The following CDH4 variants were observed in gnomAD, a reference collection of about 807,000 sequenced individuals.
CDH4 encodes the protein cadherin 4.
Under a neutral mutation model 86.0 loss-of-function variants are expected in CDH4, and 33 were observed. That is an observed-to-expected ratio of 0.38 (90% CI 0.29 to 0.51). CDH4 has a LOEUF of 0.51. Ranked by LOEUF, CDH4 falls within the 20% of genes least tolerant of loss-of-function variation. CDH4 has a pLI of 0.86. For synonymous variants in CDH4, 555 were observed against 549.4 expected (o/e 1.01, Z -0.14); for missense variants, 1,114 against 1,307.4 (o/e 0.85, Z 2.28).
At chr20:61,933,227 A>C in intron 14 of CDH4, 103 bp downstream of exon 14, 1 of 1,430,582 alleles carries the variant, frequency 7.0e-7, no homozygotes, top group Non-Finnish European at 9.5e-7. Context: ...AGACATTTCA[A>C]CCTTTTCACC....
At chr20:61,805,246 A>G (rs1980063256) in intron 4 of CDH4, among the ~76,000 whole-genome samples, 1 of 152,204 alleles carries the variant, frequency 6.6e-6, no homozygotes, top group Non-Finnish European at 1.5e-5. Context: ...AGAGAGGAGC[A>G]GAGAAGAACA....
intron 4 of CDH4, among the ~76,000 whole-genome samples, chr20:61,812,773 A>T (rs750824966): frequency 2.0e-5 from 3 of 152,078 alleles, no homozygotes; most frequent in Non-Finnish European, 4.4e-5. Flanking sequence ...AATGCTTGCA[A>T]CCTCCTATCC....
chr20:61,767,872 G>A (rs971136642), intron 3 of CDH4, among the ~76,000 whole-genome samples: 2 of 152,176 alleles, frequency 1.3e-5, no homozygotes, highest in African/African-American at 4.8e-5. Flanking sequence ...TGTCAAGGAC[G>A]GCTCCATGAA....
rs143727997 is a variant in CDH4 at position 61,731,278 on chromosome 20, C to A, written c.170-12285C>A. ...TTTGGCCTCGTGACATTCTCCTCACCCCTCGGCCCCCCGGCGGCCCCTCAC... is the reference window on the plus strand; with the variant it reads ...TTTGGCCTCGTGACATTCTCCTCACACCTCGGCCCCCCGGCGGCCCCTCAC... On this transcript the variant is annotated intron_variant, in intron 2 of 15. Coordinates refer to ENST00000614565, the MANE Select transcript of CDH4 (RefSeq NM_001794.5). 3.3e-5 allele frequency among the ~76,000 whole-genome samples: 5 copies of A among 152,222 alleles called. No individual in the cohort carries two copies. In the East Asian group the frequency reaches 9.7e-4, roughly 29 times the overall value.
At chr20:61,899,644 G>A (rs1985293546) in intron 8 of CDH4, among the ~76,000 whole-genome samples, 2 of 152,136 alleles carry the variant, frequency 1.3e-5, no homozygotes, top group East Asian at 1.9e-4. Context: ...AGCCAGGATG[G>A]TCTTGATCTC....
chr20:61,776,181 T>C (rs2088840962), intron 4 of CDH4, among the ~76,000 whole-genome samples: 1 of 152,172 alleles, frequency 6.6e-6, no homozygotes, highest in Non-Finnish European at 1.5e-5. Context: ...TTACGCCACA[T>C]CTGAATGCCC....
At chr20:61,875,536 G>A (rs1685486408) in intron 7 of CDH4, among the ~76,000 whole-genome samples, 2 of 152,176 alleles carry the variant, frequency 1.3e-5, no homozygotes, top group Non-Finnish European at 2.9e-5. Flanking sequence ...GGCAGCGTGA[G>A]GGCTGGCACG....
At chr20:61,318,338 G>A (rs972561316) in intron 2 of CDH4, among the ~76,000 whole-genome samples, 1 of 152,224 alleles carries the variant, frequency 6.6e-6, no homozygotes, top group Non-Finnish European at 1.5e-5. Flanking sequence ...AGCAGTGAGT[G>A]CCAGCGGATG....
chr20:61,749,643 A>G (rs956299443), intron 3 of CDH4, among the ~76,000 whole-genome samples: 1 of 129,916 alleles, frequency 7.7e-6, no homozygotes, highest in African/African-American at 2.8e-5. Context: ...TTGGGCAGGA[A>G]AAAAAAAAAT....
chr20:61,690,388 A>G (rs1393154926), intron 2 of CDH4, among the ~76,000 whole-genome samples: 1 of 152,152 alleles, frequency 6.6e-6, no homozygotes, highest in East Asian at 1.9e-4. Context: ...GGTGCATTCA[A>G]AGACCAACTC....
At chr20:61,875,933 C>G (rs1000888751) in intron 7 of CDH4, among the ~76,000 whole-genome samples, 18 of 104,126 alleles carry the variant, frequency 1.7e-4, no homozygotes, top group Non-Finnish European at 2.0e-4. Flanking sequence ...GTTTGCGCTC[C>G]CCCAACACAC....
intron 2 of CDH4, among the ~76,000 whole-genome samples, chr20:61,585,625 ATGACGGTGATGG>A (rs2086462809): frequency 6.6e-6 from 1 of 152,208 alleles, no homozygotes; most frequent in Admixed American, 6.5e-5. Context: ...GATGATGGTC[ATGACGGTGATGG>A]TGATGATGAT....
chr20:61,923,754 A>G (rs778075052), intron 10 of CDH4, 50 bp downstream of exon 10: 3 of 1,590,040 alleles, frequency 1.9e-6, no homozygotes, highest in Non-Finnish European at 2.6e-6. Context: ...CCCAGGTTCC[A>G]TACAGAAGGG....
At chr20:61,329,743 C>G (rs2084561243) in intron 2 of CDH4, among the ~76,000 whole-genome samples, 1 of 152,136 alleles carries the variant, frequency 6.6e-6, no homozygotes, top group Non-Finnish European at 1.5e-5. Context: ...AAGTTTGTTA[C>G]ATAGGCAAGC....
At chr20:61,530,020 TTGTTTGTTTGTTTGTG>T (rs1037497509) in intron 2 of CDH4, among the ~76,000 whole-genome samples, 2 of 151,830 alleles carry the variant, frequency 1.3e-5, no homozygotes, top group African/African-American at 4.8e-5. Flanking sequence ...TTGTTTTTGT[TTGTTTGTTTGTTTGTG>T]TGTTTGTTTG....
chr20:61,923,548 C>G lies in CDH4; in HGVS notation c.1472C>G (p.Thr491Arg), dbSNP rs376705018. 6.2e-7 allele frequency: 1 copy of G among 1,614,194 alleles called. No individual in the cohort carries two copies. Among genetic ancestry groups the G allele is most frequent in the South Asian group, 1.1e-5 (1 of 91,084 alleles). ...ASGIQMSFQS[T>R]AGVTISIMDI... The stretch of plus-strand genomic sequence containing the variant: ...GGAATCCAGATGTCCTTCCAGTCCA[C>G]GGCAGGGGTGACCATCTCCATCATG... Residue 491 changes from threonine (T) to arginine (R), a missense_variant, in exon 10 of 16, where the codon ACG (threonine) becomes AGG (arginine). This residue lies in a region of CDH4 where 705 missense variants were observed against 914.1 expected (regional missense o/e 0.77). Coordinates refer to ENST00000614565, the MANE Select transcript of CDH4 (RefSeq NM_001794.5).
intron 2 of CDH4, among the ~76,000 whole-genome samples, chr20:61,412,212 TTC>T (rs2085123420): frequency 6.6e-6 from 1 of 152,162 alleles, no homozygotes; most frequent in Non-Finnish European, 1.5e-5. Context: ...CAAAGTGAAC[TTC>T]AGCAAACACT....
At chr20:61,311,537 C>A (rs1256470161) in intron 2 of CDH4, among the ~76,000 whole-genome samples, 3 of 152,136 alleles carry the variant, frequency 2.0e-5, no homozygotes, top group African/African-American at 7.2e-5. Context: ...TAAACATAGA[C>A]AAAACATGTT....
chr20:61,705,876 A>G (rs968919467), intron 2 of CDH4, among the ~76,000 whole-genome samples: 1 of 152,230 alleles, frequency 6.6e-6, no homozygotes, highest in Non-Finnish European at 1.5e-5. Context: ...TCACTAGCAG[A>G]CAAATCAAAT....
Sources: gnomAD v4.1 joint callset for allele counts (sites outside exome capture counted in the v4.1 genomes callset) on GRCh38, gnomAD v4.1.1 for gene constraint, gnomAD v4.1.1 regional missense constraint, MANE v1.5 for transcripts, NCBI Gene and HGNC (gene_info 2026-07-23, HGNC 2026-07-21) for gene names.